The following H4C13 variants were observed in gnomAD, a reference collection of about 807,000 sequenced individuals.
H4C13 encodes histone H4.
Under a neutral mutation model 5.2 loss-of-function variants are expected in H4C13, and 11 were observed. The ratio of observed to expected loss-of-function variants is 2.13; its 90% CI spans 1.34 to 3.52. H4C13 has a LOEUF of 3.52. H4C13 is among the 30% of genes most tolerant of loss of function. The pLI is 0.00. For synonymous variants in H4C13, 94 were observed against 59.4 expected, an observed-to-expected ratio of 1.58 and a Z score of -2.68; for missense variants, 171 against 146.8, an observed-to-expected ratio of 1.17 and a Z score of -0.85.
Position 27,873,381 on chromosome 6 carries a change from C to G in H4C13, c.130G>C (p.Val44Leu). 1 of 1,614,284 alleles carries G rather than the reference C, an allele frequency of 6.2e-7. No homozygotes were observed. Among genetic ancestry groups the G allele is most frequent in the Non-Finnish European group, 8.5e-7 (1 of 1,180,052 alleles). Residue 44 changes from valine (V) to leucine (L), a missense_variant, in exon 1 of 1, where the codon GTT becomes CTT. By Grantham distance (32) the Val-to-Leu change is conservative (BLOSUM62 1). Transcript: ENST00000618305. ...TATATAAGGCCTGAGATGCGCTTAA[C>G]GCCTCCACGCCGTGCCAGGCGTCGG... ...AIRRLARRGG[V>L]KRISGLIYEE...
rs764049508 is a variant in H4C13, at chr6:27,873,391, C to T, written c.120G>A (p.Arg40=). ...CTGAGATGCGCTTAACGCCTCCACGCCGTGCCAGGCGTCGGATGGCGGGCT... is the reference window on the plus strand; with the variant it reads ...CTGAGATGCGCTTAACGCCTCCACGTCGTGCCAGGCGTCGGATGGCGGGCT... ...ITKPAIRRLA[R]RGGVKRISGL... is the part of the protein sequence containing the mutation. Residue 40 remains arginine, a synonymous_variant, in exon 1 of 1, where the codon CGG becomes CGA. Transcript: ENST00000618305. 6.2e-7 allele frequency: 1 copy of T among 1,614,282 alleles called. No individual in the cohort carries two copies.
At position 27,873,262 on chromosome 6, in the gene H4C13, T is replaced by G; in HGVS notation, c.249A>C (p.Thr83=). The G allele has an allele frequency of 6.2e-7, 1 of 1,614,294 alleles. No individual in the cohort carries two copies. Among genetic ancestry groups the G allele is most frequent in the South Asian group, 1.1e-5 (1 of 91,092 alleles). The change falls in exon 1 of 1, where the codon ACA becomes ACC. Residue 83 remains threonine (T), a synonymous_variant. Transcript: ENST00000618305. Reference sequence around the variant, plus strand: ...TGAGCGCGTAAACCACGTCCATGGCTGTGACTGTCTTGCGTTTGGCGTGCT... The same window carrying G: ...TGAGCGCGTAAACCACGTCCATGGCGGTGACTGTCTTGCGTTTGGCGTGCT... ...YTEHAKRKTV[T]AMDVVYALKR...
Position 27,873,500 on chromosome 6 carries a change from C to G in H4C13, c.11G>C (p.Arg4Pro), listed in dbSNP as rs747356743. MSG[R>P]GKGGKGLGKG... ...GCCCAGACCCTTCCCGCCTTTGCCGCGCCCAGACATGTCTTGTACTAAACA... is the reference window on the plus strand; with the variant it reads ...GCCCAGACCCTTCCCGCCTTTGCCGGGCCCAGACATGTCTTGTACTAAACA... Residue 4 changes from arginine (R) to proline (P), a missense_variant, in exon 1 of 1, where the codon CGC (arginine) becomes CCC (proline). Coordinates refer to ENST00000618305, the MANE Select transcript of H4C13 (RefSeq NM_003546.3). 6.2e-7 allele frequency: 1 copy of G among 1,610,008 alleles called. No individual in the cohort carries two copies. Among genetic ancestry groups the G allele is most frequent in the Non-Finnish European group, 8.5e-7 (1 of 1,177,716 alleles).
chr6:27,873,288 C>T lies in H4C13; in HGVS notation c.223G>A (p.Glu75Lys). Reference protein sequence around the residue: ...NVIRDAVTYTEHAKRKTVTAM... With the variant: ...NVIRDAVTYTKHAKRKTVTAM... ...GTGACTGTCTTGCGTTTGGCGTGCT[C>T]CGTGTAGGTAACTGCATCGCGGATT... The change falls in exon 1 of 1, where the codon GAG (glutamate) becomes AAG (lysine). Residue 75 changes from glutamate to lysine, a missense_variant. Transcript: ENST00000618305. 1 of 1,614,262 alleles carries T rather than the reference C, an allele frequency of 6.2e-7. No individual in the cohort carries two copies. The highest frequency in any genetic ancestry group is 8.5e-7 in the Non-Finnish European group (1 of 1,180,036).
Position 27,873,414 on chromosome 6 carries a change from GC to G in H4C13, c.96del (p.Lys32AsnfsTer35), listed in dbSNP as rs777038299. The G allele has an allele frequency of 1.3e-5, 21 of 1,614,168 alleles. No individual in the cohort carries two copies. The East Asian group carries it at 1.6e-4, about 12-fold the overall frequency. ...CGCCGTGCCAGGCGTCGGATGGCGGGCTTGGTGATGCCCTGAATGTTGTCGC... is the reference window on the plus strand; with the variant it reads ...CGCCGTGCCAGGCGTCGGATGGCGGGTTGGTGATGCCCTGAATGTTGTCGC... The part of the protein sequence containing the change: ...VLRDNIQGIT[K>X]PAIRRLARRG... On this transcript the variant is annotated frameshift_variant, in exon 1 of 1. Coordinates refer to ENST00000618305, the MANE Select transcript of H4C13 (RefSeq NM_003546.3). LOFTEE classifies it high-confidence loss of function.
At position 27,873,340 on chromosome 6, in the gene H4C13, T is replaced by G. The variant is rs1263929644; in HGVS notation, c.171A>C (p.Gly57=). Residue 57 remains glycine (G), a synonymous_variant, in exon 1 of 1, where the codon GGA becomes GGC. Transcript: ENST00000618305. ...CATTCTCCAAAAACACTTTAAGAAC[T>G]CCGCGTGTCTCCTCGTATATAAGGC... The part of the protein sequence containing the change: ...ISGLIYEETR[G]VLKVFLENVI... 6.2e-7 allele frequency: 1 copy of G among 1,614,160 alleles called. No homozygotes were observed. Among genetic ancestry groups the G allele is most frequent in the Non-Finnish European group, 8.5e-7 (1 of 1,180,054 alleles).
At position 27,873,294 on chromosome 6, in the gene H4C13, A is replaced by T; in HGVS notation, c.217T>A (p.Tyr73Asn). ...LENVIRDAVT[Y>N]TEHAKRKTVT... ...GTCTTGCGTTTGGCGTGCTCCGTGT[A>T]GGTAACTGCATCGCGGATTACATTC... The change falls in exon 1 of 1, where the codon TAC (tyrosine) becomes AAC (asparagine). Residue 73 changes from tyrosine (Y) to asparagine (N), a missense_variant. By Grantham distance (143) the Tyr-to-Asn change is moderately radical (BLOSUM62 -2). Transcript: ENST00000618305. The T allele has an allele frequency of 1.2e-6, 2 of 1,614,268 alleles. No homozygotes were observed. Among genetic ancestry groups the T allele is most frequent in the Non-Finnish European group, 1.7e-6 (2 of 1,180,040 alleles).
In H4C13 at chr6:27,873,252, C is replaced by T. The variant is rs983007211; in HGVS notation, c.259G>A (p.Val87Met). 6.2e-7 allele frequency: 1 copy of T among 1,614,290 alleles called. No individual in the cohort carries two copies. The highest frequency in any genetic ancestry group is 8.5e-7 in the Non-Finnish European group (1 of 1,180,050). The change falls in exon 1 of 1, where the codon GTG becomes ATG. Residue 87 changes from valine (V) to methionine (M), a missense_variant. Val to Met is a conservative substitution (Grantham distance 21). Coordinates refer to ENST00000618305, the MANE Select transcript of H4C13 (RefSeq NM_003546.3). ...CCCTGGCGCTTGAGCGCGTAAACCACGTCCATGGCTGTGACTGTCTTGCGT... is the reference window on the plus strand; with the variant it reads ...CCCTGGCGCTTGAGCGCGTAAACCATGTCCATGGCTGTGACTGTCTTGCGT... ...AKRKTVTAMD[V>M]VYALKRQGRT...
In H4C13 at chr6:27,873,258, T is replaced by A. The variant is rs1486738353; in HGVS notation, c.253A>T (p.Met85Leu). ...CGCTTGAGCGCGTAAACCACGTCCA[T>A]GGCTGTGACTGTCTTGCGTTTGGCG... is the stretch of plus-strand genomic sequence containing the variant. Reference protein sequence around the residue: ...EHAKRKTVTAMDVVYALKRQG... With the variant: ...EHAKRKTVTALDVVYALKRQG... The change falls in exon 1 of 1, where the codon ATG becomes TTG. Residue 85 changes from methionine (M) to leucine (L), a missense_variant. Physicochemically the swap from Met to Leu is conservative, Grantham distance 15 (BLOSUM62 2). Coordinates refer to ENST00000618305, the MANE Select transcript of H4C13 (RefSeq NM_003546.3). 1.2e-6 allele frequency: 2 copies of A among 1,614,272 alleles called. No individual in the cohort carries two copies. The highest frequency in any genetic ancestry group is 1.7e-6 in the Non-Finnish European group (2 of 1,180,042).
At position 27,873,454 on chromosome 6, in the gene H4C13, G is replaced by A; in HGVS notation, c.57C>T (p.His19=). The part of the protein sequence containing the change: ...KGLGKGGAKR[H]RKVLRDNIQG... ...GAATGTTGTCGCGCAGAACTTTGCGGTGGCGCTTAGCGCCTCCTTTGCCCA... is the reference window on the plus strand; with the variant it reads ...GAATGTTGTCGCGCAGAACTTTGCGATGGCGCTTAGCGCCTCCTTTGCCCA... The change falls in exon 1 of 1, where the codon CAC becomes CAT. Residue 19 remains histidine (H), a synonymous_variant. Coordinates refer to ENST00000618305, the MANE Select transcript of H4C13 (RefSeq NM_003546.3). 6.2e-7 allele frequency: 1 copy of A among 1,614,204 alleles called. No individual in the cohort carries two copies. Among genetic ancestry groups the A allele is most frequent in the Non-Finnish European group, 8.5e-7 (1 of 1,180,000 alleles).
rs746732358 is a variant in H4C13, at chr6:27,873,329, A to G, written c.182T>C (p.Val61Ala). The G allele has an allele frequency of 1.2e-6, 2 of 1,614,122 alleles. No homozygotes were observed. Among genetic ancestry groups the G allele is most frequent in the Non-Finnish European group, 1.7e-6 (2 of 1,180,048 alleles). The part of the protein sequence containing the change: ...IYEETRGVLK[V>A]FLENVIRDAV... ...ATCGCGGATTACATTCTCCAAAAAC[A>G]CTTTAAGAACTCCGCGTGTCTCCTC... is the stretch of plus-strand genomic sequence containing the variant. The change falls in exon 1 of 1, where the codon GTG becomes GCG. Residue 61 changes from valine (V) to alanine (A), a missense_variant. Transcript: ENST00000618305.
Position 27,873,187 on chromosome 6 carries a change from TAAGTA to T in H4C13, c.*7_*11del. 6.2e-7 allele frequency: 1 copy of T among 1,609,880 alleles called. No homozygotes were observed. The highest frequency in any genetic ancestry group is 2.2e-5 in the East Asian group (1 of 44,846). On this transcript the variant is annotated 3_prime_UTR_variant, in exon 1 of 1. Transcript: ENST00000618305. ...AAGGGCCTTTGAGGAACCGTGTAAG[TAAGTA>T]AAACACTCAGCCGCCAAAGCCATAC...
chr6:27,873,181 T>C lies in H4C13; in HGVS notation c.*18A>G. 6.2e-7 allele frequency: 1 copy of C among 1,607,926 alleles called. No homozygotes were observed. Among genetic ancestry groups the C allele is most frequent in the Admixed American group, 1.7e-5 (1 of 59,386 alleles). On this transcript the variant is annotated 3_prime_UTR_variant, in exon 1 of 1. Coordinates refer to ENST00000618305, the MANE Select transcript of H4C13 (RefSeq NM_003546.3). Reference sequence around the variant, plus strand: ...CCTGAGAAGGGCCTTTGAGGAACCGTGTAAGTAAGTAAAACACTCAGCCGC... The same window carrying C: ...CCTGAGAAGGGCCTTTGAGGAACCGCGTAAGTAAGTAAAACACTCAGCCGC...
chr6:27,873,476 C>T lies in H4C13; in HGVS notation c.35G>A (p.Gly12Asp), dbSNP rs1322569990. Reference sequence around the variant, plus strand: ...GCGGTGGCGCTTAGCGCCTCCTTTGCCCAGACCCTTCCCGCCTTTGCCGCG... The same window carrying T: ...GCGGTGGCGCTTAGCGCCTCCTTTGTCCAGACCCTTCCCGCCTTTGCCGCG... ...SGRGKGGKGL[G>D]KGGAKRHRKV... is the part of the protein sequence containing the mutation. The change falls in exon 1 of 1, where the codon GGC becomes GAC. Residue 12 changes from glycine (G) to aspartate (D), a missense_variant. Physicochemically the swap from Gly to Asp is moderately conservative, Grantham distance 94. Transcript: ENST00000618305. 1.2e-6 allele frequency: 2 copies of T among 1,612,872 alleles called. No homozygotes were observed. Among genetic ancestry groups the T allele is most frequent in the African/African-American group, 2.7e-5 (2 of 74,840 alleles).
rs747356743 is a variant in H4C13 at position 27,873,500 on chromosome 6, C to A, written c.11G>T (p.Arg4Leu). 26 of 1,610,126 alleles carry A rather than the reference C, an allele frequency of 1.6e-5. No homozygotes were observed. Among genetic ancestry groups the A allele is most frequent in the Non-Finnish European group, 2.1e-5 (25 of 1,177,708 alleles). Residue 4 changes from arginine (R) to leucine (L), a missense_variant, in exon 1 of 1, where the codon CGC (arginine) becomes CTC (leucine). Transcript: ENST00000618305. MSG[R>L]GKGGKGLGKG... is the part of the protein sequence containing the mutation. ...GCCCAGACCCTTCCCGCCTTTGCCG[C>A]GCCCAGACATGTCTTGTACTAAACA...
rs746075343 is a variant in H4C13 at position 27,873,401 on chromosome 6, C to T, written c.110G>A (p.Arg37His). The change falls in exon 1 of 1, where the codon CGC becomes CAC. Residue 37 changes from arginine to histidine, a missense_variant. Arg to His is a conservative substitution (Grantham distance 29). Coordinates refer to ENST00000618305, the MANE Select transcript of H4C13 (RefSeq NM_003546.3). ...CTTAACGCCTCCACGCCGTGCCAGG[C>T]GTCGGATGGCGGGCTTGGTGATGCC... ...IQGITKPAIRRLARRGGVKRI... is the reference protein window; with the variant it reads ...IQGITKPAIRHLARRGGVKRI... The T allele has an allele frequency of 6.2e-7, 1 of 1,614,276 alleles. No individual in the cohort carries two copies. The highest frequency in any genetic ancestry group is 8.5e-7 in the Non-Finnish European group (1 of 1,180,050).
chr6:27,873,368 G>C lies in H4C13; in HGVS notation c.143C>G (p.Ser48Ter). 1 of 1,614,284 alleles carries C rather than the reference G, an allele frequency of 6.2e-7. No individual in the cohort carries two copies. Among genetic ancestry groups the C allele is most frequent in the Non-Finnish European group, 8.5e-7 (1 of 1,180,050 alleles). ...GCGTGTCTCCTCGTATATAAGGCCT[G>C]AGATGCGCTTAACGCCTCCACGCCG... The part of the protein sequence containing the change: ...LARRGGVKRI[S>*]GLIYEETRGV... Residue 48 changes from serine (S) to a stop codon, truncating the protein, a stop_gained, in exon 1 of 1, where the codon TCA (serine) becomes TGA (stop). Transcript: ENST00000618305. LOFTEE classifies it high-confidence loss of function.
Position 27,873,271 on chromosome 6 carries a change from C to T in H4C13, c.240G>A (p.Lys80=), listed in dbSNP as rs761113259. Residue 80 remains lysine, a synonymous_variant, in exon 1 of 1, where the codon AAG becomes AAA. Transcript: ENST00000618305. ...AVTYTEHAKR[K]TVTAMDVVYA... ...AAACCACGTCCATGGCTGTGACTGT[C>T]TTGCGTTTGGCGTGCTCCGTGTAGG... 6.2e-7 allele frequency: 1 copy of T among 1,614,282 alleles called. No homozygotes were observed. Among genetic ancestry groups the T allele is most frequent in the Non-Finnish European group, 8.5e-7 (1 of 1,180,048 alleles).
Position 27,873,316 on chromosome 6 carries a change from A to G in H4C13, c.195T>C (p.Asn65=), listed in dbSNP as rs752569046. Reference sequence around the variant, plus strand: ...TGTAGGTAACTGCATCGCGGATTACATTCTCCAAAAACACTTTAAGAACTC... The same window carrying G: ...TGTAGGTAACTGCATCGCGGATTACGTTCTCCAAAAACACTTTAAGAACTC... ...TRGVLKVFLE[N]VIRDAVTYTE... The change falls in exon 1 of 1, where the codon AAT becomes AAC. Residue 65 remains asparagine (N), a synonymous_variant. Coordinates refer to ENST00000618305, the MANE Select transcript of H4C13 (RefSeq NM_003546.3). 1 of 1,614,150 alleles carries G rather than the reference A, an allele frequency of 6.2e-7. No individual in the cohort carries two copies. The highest frequency in any genetic ancestry group is 1.3e-5 in the African/African-American group (1 of 74,960).
Sources: allele counts gnomAD v4.1 joint callset, GRCh38; gene constraint gnomAD v4.1.1; transcripts MANE v1.5; gene names NCBI Gene and HGNC (gene_info 2026-07-23, HGNC 2026-07-21).